TFPI: variants seen among roughly 807,000 people sequenced by gnomAD.
TFPI encodes anti-convertin.
TFPI carries 15 observed loss-of-function variants against 34.6 expected under a neutral mutation model. That is an observed-to-expected ratio of 0.43 (90% confidence interval 0.29 to 0.67). The LOEUF is 0.67. TFPI is among the 30% of genes least tolerant of loss of function. The pLI, the probability that TFPI is intolerant of heterozygous loss-of-function variation, is 0.15. For synonymous variants in TFPI, 105 were observed against 120.1 expected, an observed-to-expected ratio of 0.87 and a Z score of 0.82; for missense variants, 301 against 364.0, an observed-to-expected ratio of 0.83 and a Z score of 1.41.
chr2:187,498,210 A>T (rs556303875), intron 2 of TFPI, among the ~76,000 whole-genome samples: 1 of 151,958 alleles, frequency 6.6e-6, no homozygotes, highest in Non-Finnish European at 1.5e-5. Flanking sequence ...TTTTTAAAGC[A>T]TAAAATACAG....
intron 1 of TFPI, chr2:187,517,543 G>T (rs1353717104): frequency 7.2e-5 from 11 of 152,172 alleles, no homozygotes; most frequent in Admixed American, 7.2e-4. Context: ...CATTTGCTGA[G>T]GAGTGTTTTA....
intron 1 of TFPI, chr2:187,517,434 T>C (rs776065012): frequency 1.3e-5 from 2 of 152,216 alleles, no homozygotes; most frequent in Non-Finnish European, 2.9e-5. Flanking sequence ...GGTTGTTTAG[T>C]TTCCATGTAG....
intron 1 of TFPI, among the ~76,000 whole-genome samples, chr2:187,539,423 C>A (rs1574524883): frequency 1.3e-5 from 2 of 152,040 alleles, no homozygotes; most frequent in African/African-American, 4.8e-5. Context: ...AAAAAAAGAT[C>A]GAAGTTTACC....
At chr2:187,529,587 T>A (rs1687855827) in intron 1 of TFPI, 1 of 152,224 alleles carries the variant, frequency 6.6e-6, no homozygotes, top group African/African-American at 2.4e-5. Context: ...ATCTCATTTA[T>A]GTTAATTACC....
chr2:187,534,255 AAC>A (rs2106269501), intron 1 of TFPI, among the ~76,000 whole-genome samples: 1 of 152,244 alleles, frequency 6.6e-6, no homozygotes, highest in East Asian at 1.9e-4. Context: ...GCAACCCAAA[AAC>A]ACATAATCAT....
At chr2:187,537,972 A>G (rs1688357835) in intron 1 of TFPI, among the ~76,000 whole-genome samples, 1 of 152,246 alleles carries the variant, frequency 6.6e-6, no homozygotes, top group South Asian at 2.1e-4. Flanking sequence ...CAATCAACAA[A>G]CATATGAATA....
At chr2:187,518,524 G>C (rs1277397834) in intron 1 of TFPI, 1 of 152,170 alleles carries the variant, frequency 6.6e-6, no homozygotes, top group Non-Finnish European at 1.5e-5. Flanking sequence ...AGTCTGATAG[G>C]CTTTGCTTTG....
intron 1 of TFPI, among the ~76,000 whole-genome samples, chr2:187,551,303 T>C (rs2106337019): frequency 6.6e-6 from 1 of 152,270 alleles, no homozygotes; most frequent in Non-Finnish European, 1.5e-5. Flanking sequence ...TATATTCTTT[T>C]GTTTTTGAAG....
At chr2:187,485,415 CCATTAAGAATG>C (rs1693190743) in intron 4 of TFPI, among the ~76,000 whole-genome samples, 2 of 151,618 alleles carry the variant, frequency 1.3e-5, no homozygotes, top group African/African-American at 4.8e-5. Context: ...GTGCGTTGCT[CCATTAAGAATG>C]GTTTAAATTT....
chr2:187,504,927 G>A (rs1455849498), intron 1 of TFPI, among the ~76,000 whole-genome samples: 1 of 151,978 alleles, frequency 6.6e-6, no homozygotes, highest in Non-Finnish European at 1.5e-5. Flanking sequence ...AAAATCACTA[G>A]TGAGATACAT....
chr2:187,506,027 G>C (rs1185474703), intron 1 of TFPI, among the ~76,000 whole-genome samples: 2 of 151,774 alleles, frequency 1.3e-5, no homozygotes, highest in African/African-American at 2.4e-5. Context: ...GGCAAATAAA[G>C]TACATGAATT....
At chr2:187,495,099 T>C (rs1260341195) in intron 3 of TFPI, among the ~76,000 whole-genome samples, 2 of 152,202 alleles carry the variant, frequency 1.3e-5, no homozygotes, top group African/African-American at 4.8e-5. Flanking sequence ...AATGATATTT[T>C]AAATGATGAT....
At chr2:187,503,305 A>G (rs1685971811) in intron 2 of TFPI, among the ~76,000 whole-genome samples, 2 of 152,128 alleles carry the variant, frequency 1.3e-5, no homozygotes, top group Admixed American at 1.3e-4. Context: ...GCCAAAGGGT[A>G]GCATCAAATG....
intron 2 of TFPI, among the ~76,000 whole-genome samples, chr2:187,498,941 C>G (rs1036162140): frequency 2.6e-5 from 4 of 151,858 alleles, no homozygotes; most frequent in Non-Finnish European, 5.9e-5. Flanking sequence ...TCAAATTTTT[C>G]TGGAGTTATA....
At chr2:187,483,721 G>A (rs1358090796) in intron 6 of TFPI, among the ~76,000 whole-genome samples, 1 of 151,924 alleles carries the variant, frequency 6.6e-6, no homozygotes, top group Admixed American at 6.6e-5. Context: ...TAACACCAGA[G>A]ACCTTGCCTA....
rs188114336 is a variant in TFPI at position 187,485,808 on chromosome 2, G to A, written c.359-821C>T. ...TTTCAAAATTATTATGCTCACAGGC[G>A]TATTGGGCTTGAATTTTTAGAACAA... On this transcript the variant is annotated intron_variant, in intron 4 of 7. Coordinates refer to ENST00000233156, the MANE Select transcript of TFPI (RefSeq NM_006287.6). Among the ~76,000 whole-genome samples the A allele has an allele frequency of 1.6e-4, 24 of 151,686 alleles. 1 individual carries two copies. Among genetic ancestry groups the A allele is most frequent in the Admixed American group, 7.9e-4 (12 of 15,162 alleles).
intron 1 of TFPI, among the ~76,000 whole-genome samples, chr2:187,537,167 A>G (rs1688307089): frequency 6.6e-6 from 1 of 152,256 alleles, no homozygotes; most frequent in South Asian, 2.1e-4. Context: ...TGTCCTAAGT[A>G]ATTTATAGAT....
chr2:187,484,429 TGTTTAAGTCA>T (rs1693107895), intron 5 of TFPI: 2 of 548,862 alleles, frequency 3.6e-6, no homozygotes, highest in Admixed American at 7.1e-5. Context: ...TAGCAGTTAA[TGTTTAAGTCA>T]TCCCTTTAAT....
At chr2:187,547,378 A>C (rs1410378085) in intron 1 of TFPI, 3 of 152,228 alleles carry the variant, frequency 2.0e-5, no homozygotes, top group Non-Finnish European at 4.4e-5. Context: ...AATAATGATC[A>C]GTGTTTTCAC....
Sources: gnomAD v4.1 joint callset for allele counts (sites outside exome capture counted in the v4.1 genomes callset) on GRCh38, gnomAD v4.1.1 for gene constraint, MANE v1.5 for transcripts, NCBI Gene and HGNC (gene_info 2026-07-23, HGNC 2026-07-21) for gene names.